Variants in PTPRT observed in about 807,000 individuals in gnomAD.
PTPRT encodes receptor-type tyrosine-protein phosphatase T.
In PTPRT, 56 loss-of-function variants were observed where a neutral mutation model predicts 176.8. That is an observed-to-expected ratio of 0.32 (90% CI 0.26 to 0.40). The LOEUF is 0.40. PTPRT is among the 10% of genes least tolerant of loss of function. The pLI is 1.00. For missense variants in PTPRT, 1,540 were observed against 1,908.2 expected (o/e 0.81, Z 3.60); for synonymous variants, 783 against 739.0 (o/e 1.06, Z -0.96).
chr20:42,424,977 T>G (rs549936922), intron 9 of PTPRT, among the ~76,000 whole-genome samples: 1 of 151,858 alleles, frequency 6.6e-6, no homozygotes, highest in African/African-American at 2.4e-5. Flanking sequence ...AAGAAATGCT[T>G]TTTGTTTTCT....
At chr20:42,911,248 C>T (rs2145933087) in intron 1 of PTPRT, among the ~76,000 whole-genome samples, 1 of 152,090 alleles carries the variant, frequency 6.6e-6, no homozygotes, top group South Asian at 2.1e-4. Flanking sequence ...CAGACAAAGA[C>T]ACATACAACC....
intron 9 of PTPRT, among the ~76,000 whole-genome samples, chr20:42,419,674 C>T (rs77649923): frequency 0.036 from 5,536 of 152,244 alleles, 135 homozygotes; most frequent in Non-Finnish European, 0.055. Flanking sequence ...CCCTTCCCTA[C>T]CTCCCTGGTT....
At chr20:42,257,240 G>T (rs2056657929) in intron 13 of PTPRT, among the ~76,000 whole-genome samples, 1 of 152,194 alleles carries the variant, frequency 6.6e-6, no homozygotes, top group Non-Finnish European at 1.5e-5. Context: ...AGGCCAACAT[G>T]GAGAAACTGT....
chr20:42,732,442 C>T (rs1187051053), intron 6 of PTPRT, among the ~76,000 whole-genome samples: 1 of 152,144 alleles, frequency 6.6e-6, no homozygotes, highest in African/African-American at 2.4e-5. Context: ...GTGAACAATG[C>T]ATATTTTAAA....
At chr20:42,452,592 T>G (rs2070851258) in intron 8 of PTPRT, among the ~76,000 whole-genome samples, 2 of 152,002 alleles carry the variant, frequency 1.3e-5, no homozygotes, top group Non-Finnish European at 2.9e-5. Flanking sequence ...GAGATGAAAA[T>G]TCTATTCATT....
intron 12 of PTPRT, among the ~76,000 whole-genome samples, chr20:42,304,819 C>T (rs960748045): frequency 1.3e-5 from 2 of 152,190 alleles, no homozygotes; most frequent in Non-Finnish European, 2.9e-5. Flanking sequence ...AGCATCAACT[C>T]AGGGCTTCTT....
At chr20:42,231,295 C>A (rs967426020) in intron 15 of PTPRT, among the ~76,000 whole-genome samples, 1 of 152,206 alleles carries the variant, frequency 6.6e-6, no homozygotes, top group African/African-American at 2.4e-5. Flanking sequence ...AAGAACAGGG[C>A]TTAGTAAGAA....
At chr20:42,612,834 CAA>C (rs763132757) in intron 7 of PTPRT, among the ~76,000 whole-genome samples, 18 of 151,798 alleles carry the variant, frequency 1.2e-4, no homozygotes, top group Non-Finnish European at 2.5e-4. Flanking sequence ...TGATAACCCC[CAA>C]AATGGACCAT....
chr20:42,061,373 A>G, the PTPRT span, among the ~76,000 whole-genome samples: 5 of 152,172 alleles, frequency 3.3e-5, no homozygotes, highest in Admixed American at 1.3e-4. Context: ...CGCGCAGTGC[A>G]GAGAAGCTCA....
chr20:42,355,524 AG>A (rs1296599960), intron 9 of PTPRT, among the ~76,000 whole-genome samples: 1 of 152,224 alleles, frequency 6.6e-6, no homozygotes, highest in African/African-American at 2.4e-5. Context: ...TTCTAGGCAG[AG>A]GGAACCGCGT....
the PTPRT span, among the ~76,000 whole-genome samples, chr20:42,041,708 TAA>T: frequency 6.6e-6 from 1 of 152,202 alleles, no homozygotes; most frequent in Non-Finnish European, 1.5e-5. Context: ...ATGGGGGCAA[TAA>T]TATACCTACT....
At chr20:42,752,468 G>A (rs1415540381) in intron 6 of PTPRT, among the ~76,000 whole-genome samples, 1 of 152,154 alleles carries the variant, frequency 6.6e-6, no homozygotes, top group African/African-American at 2.4e-5. Flanking sequence ...CATCTTGGCT[G>A]CAGAGTTATC....
At chr20:42,104,902 C>T (rs551860399) in intron 24 of PTPRT, among the ~76,000 whole-genome samples, 184 bp from the exon 25 acceptor site, 52 of 152,262 alleles carry the variant, frequency 3.4e-4, no homozygotes, top group African/African-American at 1.2e-3. Context: ...ATCACCTGAG[C>T]TATGGTGGGT....
At chr20:42,787,908 T>C (rs2077315226) in intron 3 of PTPRT, among the ~76,000 whole-genome samples, 1 of 152,152 alleles carries the variant, frequency 6.6e-6, no homozygotes, top group Non-Finnish European at 1.5e-5. Context: ...AGGGTTGTTA[T>C]AAAATACAGA....
At chr20:42,111,126 C>T (rs1028036545) in intron 22 of PTPRT, among the ~76,000 whole-genome samples, 1 of 152,138 alleles carries the variant, frequency 6.6e-6, no homozygotes, top group Non-Finnish European at 1.5e-5. Flanking sequence ...CCTTTCACAC[C>T]CCTCCACCCC....
rs756900980 is a variant in PTPRT at position 42,913,234 on chromosome 20, G to A, written c.89-27302C>T. ...CACAGACTGGGTGGCTTAAACGACA[G>A]AAAGGTATTATCTTACAGTTCTGGA... On this transcript the variant is annotated intron_variant, in intron 1 of 30. Coordinates refer to ENST00000373187, the MANE Select transcript of PTPRT (RefSeq NM_007050.6). Among the ~76,000 whole-genome samples, 67 of 152,312 alleles carry A rather than the reference G, an allele frequency of 4.4e-4. 1 individual carries two copies. Among genetic ancestry groups the A allele is most frequent in the African/African-American group, 1.5e-3 (61 of 41,560 alleles).
chr20:42,528,949 G>A (rs2145530125), intron 7 of PTPRT, among the ~76,000 whole-genome samples: 1 of 152,234 alleles, frequency 6.6e-6, no homozygotes, highest in South Asian at 2.1e-4. Flanking sequence ...CTGACTTTTT[G>A]TTCATACAAC....
intron 27 of PTPRT, among the ~76,000 whole-genome samples, chr20:42,096,964 C>G (rs866115759): frequency 7.9e-5 from 12 of 152,032 alleles, no homozygotes; most frequent in African/African-American, 2.9e-4. Flanking sequence ...GAAAGTATTT[C>G]TAACTGTGCT....
intron 1 of PTPRT, among the ~76,000 whole-genome samples, chr20:43,030,484 G>T (rs183061900): frequency 6.7e-6 from 1 of 148,604 alleles, no homozygotes; most frequent in Non-Finnish European, 1.5e-5. Flanking sequence ...TAGCCCAAAA[G>T]GGGGAAAGGG....
Sources: gnomAD v4.1 joint callset for allele counts (sites outside exome capture counted in the v4.1 genomes callset) on GRCh38, gnomAD v4.1.1 for gene constraint, MANE v1.5 for transcripts, NCBI Gene and HGNC (gene_info 2026-07-23, HGNC 2026-07-21) for gene names.